The following ZBTB10 variants were observed in gnomAD, a reference collection of about 807,000 sequenced individuals.
ZBTB10 encodes zinc finger and BTB domain containing 10, also known as zinc finger and BTB domain-containing protein 10.
Under a neutral mutation model 76.4 loss-of-function variants are expected in ZBTB10, and 32 were observed. The ratio of observed to expected loss-of-function variants is 0.42; its 90% CI spans 0.32 to 0.56. The LOEUF (loss-of-function observed/expected upper bound fraction) is 0.56. ZBTB10 is among the 20% of genes least tolerant of loss of function. The pLI is 0.14. For missense variants in ZBTB10, 1,057 were observed against 1,098.5 expected (o/e 0.96, Z 0.53); for synonymous variants, 523 against 432.9 (o/e 1.21, Z -2.58).
rs1045447985 is a variant in ZBTB10, at chr8:80,486,398, T to G, written c.-413T>G. On this transcript the variant is annotated 5_prime_UTR_variant, in exon 1 of 6. Transcript: ENST00000455036. ...GGCGCGCGGAGGAAGGATATCTGTG[T>G]GGAGGATCGGTGTGTGCGCGCGCGG... 21 of 987,608 alleles carry G rather than the reference T, an allele frequency of 2.1e-5. No homozygotes were observed. Among genetic ancestry groups the G allele is most frequent in the Non-Finnish European group, 2.4e-5 (20 of 832,296 alleles). The allele number at this position is 987,608 out of a possible 1,614,324, so 61.2% of individuals were successfully genotyped here.
intron 2 of ZBTB10, among the ~76,000 whole-genome samples, chr8:80,507,467 T>C (rs1387059415): frequency 6.6e-6 from 1 of 151,684 alleles, no homozygotes; most frequent in African/African-American, 2.4e-5. Context: ...AAAAAAAAAT[T>C]AGCCAGGCAT....
rs1816540267 is a variant in ZBTB10 at position 80,525,320 on chromosome 8, A to T, written c.*5792A>T. The T allele has an allele frequency of 6.6e-6, 1 of 152,172 alleles. No homozygotes were observed. The highest frequency in any genetic ancestry group is 3.2e-3 in the Middle Eastern group (1 of 316). The allele number at this position is 152,172 out of a possible 1,614,324, so 9.4% of individuals were successfully genotyped here. ...TCTATTCAGCTAATTAAAGTGAATG[A>T]AAAATATTACAGATTCCATAACTGC... is the stretch of plus-strand genomic sequence containing the variant. On this transcript the variant is annotated 3_prime_UTR_variant, in exon 6 of 6. Transcript: ENST00000455036.
chr8:80,491,667 G>C (rs140375382), intron 1 of ZBTB10, among the ~76,000 whole-genome samples: 1 of 152,178 alleles, frequency 6.6e-6, no homozygotes, highest in Non-Finnish European at 1.5e-5. Flanking sequence ...TTAATTTTGA[G>C]TAACAATTGA....
chr8:80,488,801 G>A (rs1815550459), intron 1 of ZBTB10, among the ~76,000 whole-genome samples: 1 of 152,108 alleles, frequency 6.6e-6, no homozygotes, highest in Non-Finnish European at 1.5e-5. Flanking sequence ...TTTCGTATTG[G>A]TTAGCCAGTC....
rs573842562 is a variant in ZBTB10 at position 80,486,950 on chromosome 8, C to A, written c.140C>A (p.Pro47His). ...CCTCCGCAGCCCCAGCCGAGACAGC[C>A]CCCGCCGCCAGCGCCGCCCGCGCTT... The part of the protein sequence containing the change: ...AWPPQPQPRQ[P>H]PPPAPPALQP... Residue 47 changes from proline to histidine, a missense_variant, in exon 1 of 6, where the codon CCC (proline) becomes CAC (histidine). This residue lies in a region of ZBTB10 where 556 missense variants were observed against 451.7 expected (regional missense o/e 1.23). Transcript: ENST00000455036. The A allele has an allele frequency of 5.9e-6, 9 of 1,514,072 alleles. No individual in the cohort carries two copies. The highest frequency in any genetic ancestry group is 1.4e-5 in the African/African-American group (1 of 69,320). 93.8% of individuals were successfully genotyped at this position (1,514,072 alleles called of 1,614,324 possible). A position where few individuals can be genotyped will look rare whatever the true frequency, so the allele number is the denominator to read the frequency against.
At chr8:80,509,705 CTG>C (rs1321144520) in intron 2 of ZBTB10, among the ~76,000 whole-genome samples, 3 of 152,150 alleles carry the variant, frequency 2.0e-5, no homozygotes, top group Admixed American at 1.3e-4. Context: ...GAGGTAGAGA[CTG>C]AGATTTAGAC....
In ZBTB10 at chr8:80,518,948, T is replaced by C; in HGVS notation, c.2304T>C (p.His768=). 1.3e-6 allele frequency: 2 copies of C among 1,594,560 alleles called. No homozygotes were observed. The highest frequency in any genetic ancestry group is 2.7e-5 in the African/African-American group (2 of 74,848). ...LFTRREHVKR[H]SLVHKKDKKY... ...CTCGAAGAGAACATGTAAAAAGACATTCCCTGGTAAGTAACTTTAAATACA... is the reference window on the plus strand; with the variant it reads ...CTCGAAGAGAACATGTAAAAAGACACTCCCTGGTAAGTAACTTTAAATACA... Residue 768 remains histidine, a synonymous_variant, in exon 5 of 6, where the codon CAT becomes CAC. Coordinates refer to ENST00000455036, the MANE Select transcript of ZBTB10 (RefSeq NM_001105539.3).
In ZBTB10 at chr8:80,486,268, G is replaced by C. The variant is rs1380904807; in HGVS notation, c.-543G>C. 3 of 1,017,294 alleles carry C rather than the reference G, an allele frequency of 2.9e-6. No individual in the cohort carries two copies. Among genetic ancestry groups the C allele is most frequent in the East Asian group, 1.1e-4 (1 of 9,452 alleles). 63.0% of individuals were successfully genotyped at this position (1,017,294 alleles called of 1,614,324 possible). ...CGCCAGGGCCTGGTCGGACGGAAAC[G>C]CTCCGCCGGCTTTATTGTCGCTTCG... On this transcript the variant is annotated 5_prime_UTR_variant, in exon 1 of 6. Coordinates refer to ENST00000455036, the MANE Select transcript of ZBTB10 (RefSeq NM_001105539.3).
chr8:80,517,899 G>A (rs143245866), intron 3 of ZBTB10, among the ~76,000 whole-genome samples: 71 of 60,776 alleles, frequency 1.2e-3, no homozygotes, highest in African/African-American at 0.01. Flanking sequence ...TTTTTTTTGA[G>A]ACATGATCCC....
chr8:80,515,507 G>A (rs886651311), intron 3 of ZBTB10, among the ~76,000 whole-genome samples: 2 of 152,182 alleles, frequency 1.3e-5, no homozygotes, highest in Non-Finnish European at 2.9e-5. Context: ...TACGTCAGAT[G>A]TCTTGAATTT....
Position 80,511,324 on chromosome 8 carries a change from G to A in ZBTB10, c.1862-2586G>A, listed in dbSNP as rs566061577. Among the ~76,000 whole-genome samples the A allele has an allele frequency of 1.1e-3, 164 of 152,236 alleles. 1 individual carries two copies. The highest frequency in any genetic ancestry group is 1.9e-3 in the Non-Finnish European group (130 of 68,026). ...AAATGCCTCTTAAGAGTTGAGGAAAGCCTTCAACAATTCACTGTAGAATTT... is the reference window on the plus strand; with the variant it reads ...AAATGCCTCTTAAGAGTTGAGGAAAACCTTCAACAATTCACTGTAGAATTT... On this transcript the variant is annotated intron_variant, in intron 2 of 5. Coordinates refer to ENST00000455036, the MANE Select transcript of ZBTB10 (RefSeq NM_001105539.3).
At chr8:80,506,962 G>C (rs1816072686) in intron 2 of ZBTB10, among the ~76,000 whole-genome samples, 3 of 152,098 alleles carry the variant, frequency 2.0e-5, no homozygotes, top group Admixed American at 1.3e-4. Context: ...GGAGGGTGCT[G>C]AAGGCCAGAT....
At chr8:80,512,680 C>G (rs543715107) in intron 2 of ZBTB10, among the ~76,000 whole-genome samples, 1 of 152,204 alleles carries the variant, frequency 6.6e-6, no homozygotes, top group East Asian at 1.9e-4. Flanking sequence ...CCACTGCACT[C>G]CAGCCTGGGT....
intron 3 of ZBTB10, among the ~76,000 whole-genome samples, chr8:80,514,530 T>G (rs1816280316): frequency 6.6e-6 from 1 of 152,162 alleles, no homozygotes; most frequent in Non-Finnish European, 1.5e-5. Context: ...AATGATAGAA[T>G]TGGAAAAATA....
At position 80,500,130 on chromosome 8, in the gene ZBTB10, A is replaced by T; in HGVS notation, c.1609A>T (p.Ser537Cys). ...QIENYQMNDS[S>C]WVQDGSPEMA... ...AGAAAACTACCAAATGAATGACAGT[A>T]GTTGGGTCCAGGATGGATCTCCTGA... The change falls in exon 2 of 6, where the codon AGT becomes TGT. Residue 537 changes from serine (S) to cysteine (C), a missense_variant. By Grantham distance (112) the Ser-to-Cys change is moderately radical. Transcript: ENST00000455036. 1 of 1,613,898 alleles carries T rather than the reference A, an allele frequency of 6.2e-7. No homozygotes were observed. The highest frequency in any genetic ancestry group is 1.1e-5 in the South Asian group (1 of 91,070).
rs747092211 is a variant in ZBTB10, at chr8:80,499,681, G to A, written c.1160G>A (p.Arg387His). ...AHKNILVAGSRFFKTLYCFSN... is the reference protein window; with the variant it reads ...AHKNILVAGSHFFKTLYCFSN... Reference sequence around the variant, plus strand: ...AAGAACATCCTGGTTGCAGGCAGCCGTTTCTTTAAGACTTTATATTGCTTT... The same window carrying A: ...AAGAACATCCTGGTTGCAGGCAGCCATTTCTTTAAGACTTTATATTGCTTT... Residue 387 changes from arginine to histidine, a missense_variant, in exon 2 of 6, where the codon CGT becomes CAT. Arg to His is a conservative substitution (Grantham distance 29). Transcript: ENST00000455036. The A allele has an allele frequency of 7.4e-6, 12 of 1,613,762 alleles. No homozygotes were observed. The highest frequency in any genetic ancestry group is 2.2e-5 in the East Asian group (1 of 44,900).
chr8:80,511,080 TGTCAAAA>T (rs1288322596), intron 2 of ZBTB10, among the ~76,000 whole-genome samples: 8 of 152,220 alleles, frequency 5.3e-5, no homozygotes, highest in African/African-American at 1.7e-4. Flanking sequence ...AGCACACTAT[TGTCAAAA>T]GATTGTCAAC....
chr8:80,504,906 C>A (rs1816011984), intron 2 of ZBTB10, among the ~76,000 whole-genome samples: 1 of 152,160 alleles, frequency 6.6e-6, no homozygotes, highest in Non-Finnish European at 1.5e-5. Context: ...TGTATTCACA[C>A]ATGTTGTGTC....
intron 1 of ZBTB10, among the ~76,000 whole-genome samples, chr8:80,495,374 C>T (rs1180462111): frequency 6.6e-6 from 1 of 151,252 alleles, no homozygotes; most frequent in Admixed American, 6.6e-5. Flanking sequence ...TGCTATAGAC[C>T]ATCTTATGTT....
Sources: allele counts gnomAD v4.1 joint callset (sites outside exome capture counted in the v4.1 genomes callset), GRCh38; gene constraint gnomAD v4.1.1; regional missense constraint gnomAD v4.1.1; transcripts MANE v1.5; gene names NCBI Gene and HGNC (gene_info 2026-07-23, HGNC 2026-07-21).